MCPH1: variants seen among roughly 807,000 people sequenced by gnomAD.
MCPH1 encodes microcephalin 1, also known as microcephalin.
In MCPH1, 104 loss-of-function variants were observed where a neutral mutation model predicts 84.5. The observed-to-expected ratio is 1.23, with a 90% confidence interval of 1.05 to 1.45. The LOEUF (loss-of-function observed/expected upper bound fraction) is 1.45. Ranked by LOEUF, MCPH1 falls within the 40% of genes most tolerant of loss-of-function variation. MCPH1 has a pLI of 0.00. For missense variants in MCPH1, 1,498 were observed against 1,005.7 expected, an observed-to-expected ratio of 1.49 and a Z score of -6.62; for synonymous variants, 514 against 366.8, an observed-to-expected ratio of 1.40 and a Z score of -4.58.
At chr8:6,467,664 T>C (rs1456987194) in intron 9 of MCPH1, among the ~76,000 whole-genome samples, 1 of 152,152 alleles carries the variant, frequency 6.6e-6, no homozygotes. Flanking sequence ...GGCGAGATCA[T>C]AGCTCACTGC....
At chr8:6,461,765 A>G (rs887003453) in intron 9 of MCPH1, among the ~76,000 whole-genome samples, 1 of 152,242 alleles carries the variant, frequency 6.6e-6, no homozygotes, top group African/African-American at 2.4e-5. Context: ...AGAAAATATT[A>G]TGACGAATTT....
At chr8:6,407,380 C>T (rs2440451) in intron 1 of MCPH1, among the ~76,000 whole-genome samples, 150,284 of 152,230 alleles carry the variant, frequency 0.99, 74,200 homozygotes, top group East Asian at 1. Flanking sequence ...ACTAAGGCAT[C>T]GGACGTTTAG....
intron 11 of MCPH1, among the ~76,000 whole-genome samples, chr8:6,485,193 C>T (rs1234456597): frequency 6.6e-6 from 1 of 151,948 alleles, no homozygotes; most frequent in Non-Finnish European, 1.5e-5. Context: ...GGCACGGTGG[C>T]AGGTGCCTAT....
rs183944813 is a variant in MCPH1 at position 6,595,174 on chromosome 8, G to C, written c.2215-26280G>C. On this transcript the variant is annotated intron_variant, in intron 12 of 13. Coordinates refer to ENST00000344683, the MANE Select transcript of MCPH1 (RefSeq NM_024596.5). Reference sequence around the variant, plus strand: ...AAAGCATTCACTGAGCACCCACTCAGCTGCGAGGCACTGCCTGCATACTTG... The same window carrying C: ...AAAGCATTCACTGAGCACCCACTCACCTGCGAGGCACTGCCTGCATACTTG... Among the ~76,000 whole-genome samples, 31 of 152,326 alleles carry C rather than the reference G, an allele frequency of 2.0e-4. 1 individual carries two copies. The highest frequency in any genetic ancestry group is 1.9e-3 in the Admixed American group (29 of 15,298).
intron 12 of MCPH1, among the ~76,000 whole-genome samples, chr8:6,518,951 G>A (rs528596742): frequency 5.0e-4 from 76 of 151,814 alleles, no homozygotes; most frequent in Admixed American, 3.9e-4. Context: ...GTCTCCCAAA[G>A]CACCTTCAGG....
At chr8:6,569,508 A>C (rs1023175084) in intron 12 of MCPH1, among the ~76,000 whole-genome samples, 2 of 152,228 alleles carry the variant, frequency 1.3e-5, no homozygotes, top group Non-Finnish European at 2.9e-5. Context: ...AAAAAGTACC[A>C]AAGGAAAGCC....
At chr8:6,629,589 C>A (rs963119228) in intron 13 of MCPH1, among the ~76,000 whole-genome samples, 1 of 152,226 alleles carries the variant, frequency 6.6e-6, no homozygotes, top group African/African-American at 2.4e-5. Context: ...CAGGAAGCCT[C>A]AGGAGAAACT....
intron 11 of MCPH1, among the ~76,000 whole-genome samples, chr8:6,493,511 T>C (rs1057280212): frequency 1.3e-5 from 2 of 152,234 alleles, no homozygotes; most frequent in African/African-American, 2.4e-5. Flanking sequence ...TTATCTTCCC[T>C]TTCTTGGTTG....
intron 2 of MCPH1, among the ~76,000 whole-genome samples, chr8:6,412,151 G>A (rs1343700664): frequency 6.6e-6 from 1 of 152,196 alleles, no homozygotes; most frequent in East Asian, 1.9e-4. Context: ...TAAGAGGTCA[G>A]TGGAGAGGAA....
chr8:6,643,778 G>C lies in MCPH1; in HGVS notation c.*729G>C, dbSNP rs1483391186. On this transcript the variant is annotated 3_prime_UTR_variant, in exon 14 of 14. Coordinates refer to ENST00000344683, the MANE Select transcript of MCPH1 (RefSeq NM_024596.5). ...GCGGAGATTCCTCTCTTAAAGTAAT[G>C]AAAGGAGATAGGTATGGGGGGTGTT... is the stretch of plus-strand genomic sequence containing the variant. 1 of 152,664 alleles carries C rather than the reference G, an allele frequency of 6.6e-6. No homozygotes were observed. The highest frequency in any genetic ancestry group is 2.4e-5 in the African/African-American group (1 of 41,456). The allele number at this position is 152,664 out of a possible 1,614,324, so 9.5% of individuals were successfully genotyped here.
chr8:6,485,505 G>A (rs1809776425), intron 11 of MCPH1, among the ~76,000 whole-genome samples: 1 of 151,578 alleles, frequency 6.6e-6, no homozygotes, highest in Non-Finnish European at 1.5e-5. Flanking sequence ...TAGCACTGAA[G>A]CTTCATCCCA....
chr8:6,642,755 G>A, intron 13 of MCPH1: 3 of 570,874 alleles, frequency 5.3e-6, no homozygotes, highest in Non-Finnish European at 9.6e-6. Flanking sequence ...TGGGACATGT[G>A]GCTACCAAGC....
chr8:6,524,611 GT>G (rs1164454858), intron 12 of MCPH1, among the ~76,000 whole-genome samples: 23 of 152,304 alleles, frequency 1.5e-4, no homozygotes, highest in Admixed American at 2.6e-4. Flanking sequence ...TGTACGAGGT[GT>G]TTTTTAGGGT....
At chr8:6,556,541 T>C (rs3020234) in intron 12 of MCPH1, among the ~76,000 whole-genome samples, 20,080 of 152,134 alleles carry the variant, frequency 0.13, 3,657 homozygotes, top group African/African-American at 0.41. Context: ...CAGCACATAC[T>C]AGCTGCTGCT....
In MCPH1 at chr8:6,430,699, G is replaced by C. The variant is rs2440425; in HGVS notation, c.234-800G>C. On this transcript the variant is annotated intron_variant, in intron 3 of 13. Transcript: ENST00000344683. The stretch of plus-strand genomic sequence containing the variant: ...CTGTGAGGGATAGTTGGAGAGGTGA[G>C]TAGAGGCCTTATAAAAACACTTAAA... 5.2e-3 allele frequency among the ~76,000 whole-genome samples: 790 copies of C among 152,264 alleles called. 3 individuals are homozygous for C. Among genetic ancestry groups the C allele is most frequent in the Non-Finnish European group, 6.6e-3 (450 of 68,028 alleles).
intron 12 of MCPH1, among the ~76,000 whole-genome samples, chr8:6,517,992 C>G (rs1473709872): frequency 6.6e-6 from 1 of 152,136 alleles, no homozygotes; most frequent in East Asian, 1.9e-4. Flanking sequence ...GAATATAAAT[C>G]CTAATGTTTC....
intron 3 of MCPH1, among the ~76,000 whole-genome samples, chr8:6,426,111 T>G (rs564131187): frequency 8.5e-5 from 13 of 152,314 alleles, no homozygotes; most frequent in African/African-American, 3.1e-4. Context: ...CCGCCTCCCT[T>G]TCCCATCACT....
At chr8:6,585,006 C>T (rs553477461) in intron 12 of MCPH1, among the ~76,000 whole-genome samples, 1 of 152,286 alleles carries the variant, frequency 6.6e-6, no homozygotes, top group African/African-American at 2.4e-5. Context: ...AGTAGATATC[C>T]CCTCTGATCC....
chr8:6,597,558 C>T (rs1420456643), intron 12 of MCPH1, among the ~76,000 whole-genome samples: 1 of 152,168 alleles, frequency 6.6e-6, no homozygotes, highest in East Asian at 1.9e-4. Flanking sequence ...GAACATTCAC[C>T]AGCTCGGCCA....
Sources: gnomAD v4.1 joint callset for allele counts (sites outside exome capture counted in the v4.1 genomes callset) on GRCh38, gnomAD v4.1.1 for gene constraint, MANE v1.5 for transcripts, NCBI Gene and HGNC (gene_info 2026-07-23, HGNC 2026-07-21) for gene names.